The following DERPC variants were observed in gnomAD, a reference collection of about 807,000 sequenced individuals.
DERPC encodes decreased expression in renal and prostate cancer protein.
In DERPC, 1 loss-of-function variant was observed where a neutral mutation model predicts 7.2. That is an observed-to-expected ratio of 0.14 (90% confidence interval 0.05 to 0.66). The LOEUF is 0.66. Ranked by LOEUF, DERPC falls within the 30% of genes least tolerant of loss-of-function variation. The pLI, the probability that DERPC is intolerant of heterozygous loss-of-function variation, is 0.84. For synonymous variants in DERPC, 185 were observed against 117.6 expected (o/e 1.57, Z -3.71); for missense variants, 502 against 299.4 (o/e 1.68, Z -4.99).
intron 1 of DERPC, among the ~76,000 whole-genome samples, chr16:69,126,780 T>TG (rs1962089157): frequency 6.6e-6 from 1 of 152,334 alleles, no homozygotes; most frequent in Admixed American, 6.5e-5. Flanking sequence ...CTTTAGCACC[T>TG]TAAAATATCC....
chr16:69,123,636 A>G (rs1253666068), intron 1 of DERPC, among the ~76,000 whole-genome samples: 1 of 152,124 alleles, frequency 6.6e-6, no homozygotes, highest in East Asian at 1.9e-4. Context: ...CGACAGAGTG[A>G]GACTGTCTCA....
chr16:69,126,289 G>A (rs949394305), intron 1 of DERPC, among the ~76,000 whole-genome samples: 3 of 152,144 alleles, frequency 2.0e-5, no homozygotes, highest in Non-Finnish European at 2.9e-5. Context: ...GAAAAATGCC[G>A]AAATATTTTC....
chr16:69,125,686 A>G (rs1001282816), intron 1 of DERPC, among the ~76,000 whole-genome samples: 1 of 152,214 alleles, frequency 6.6e-6, no homozygotes, highest in Non-Finnish European at 1.5e-5. Flanking sequence ...AACATTTCCA[A>G]AAGAGGCCCC....
At chr16:69,126,783 A>G (rs566161966) in intron 1 of DERPC, among the ~76,000 whole-genome samples, 1 of 152,276 alleles carries the variant, frequency 6.6e-6, no homozygotes, top group Admixed American at 6.5e-5. Flanking sequence ...TAGCACCTTA[A>G]AATATCCTGT....
At chr16:69,129,118 A>G (rs1357496743) in intron 1 of DERPC, among the ~76,000 whole-genome samples, 1 of 151,220 alleles carries the variant, frequency 6.6e-6, no homozygotes, top group East Asian at 2.0e-4. Context: ...TCAAAGCACC[A>G]CCATGATTTC....
intron 1 of DERPC, among the ~76,000 whole-genome samples, chr16:69,126,002 T>C (rs1396340984): frequency 6.6e-6 from 1 of 152,166 alleles, no homozygotes; most frequent in Non-Finnish European, 1.5e-5. Context: ...ACCCATAATT[T>C]TGACAATTTA....
At chr16:69,128,101 G>A (rs1375637467) in intron 1 of DERPC, among the ~76,000 whole-genome samples, 1 of 151,786 alleles carries the variant, frequency 6.6e-6, no homozygotes, top group South Asian at 2.1e-4. Context: ...TTTTAGTAGA[G>A]ATGGGGTTTC....
chr16:69,123,474 C>T (rs149952648), intron 1 of DERPC, among the ~76,000 whole-genome samples: 4,767 of 151,738 alleles, frequency 0.031, 106 homozygotes, highest in Non-Finnish European at 0.042. Flanking sequence ...CTGGCCAACA[C>T]GGTGAAACCC....
chr16:69,126,562 G>A lies in DERPC; in HGVS notation c.-279-5069C>T, dbSNP rs574094729. Among the ~76,000 whole-genome samples, 4 of 152,304 alleles carry A rather than the reference G, an allele frequency of 2.6e-5. No homozygotes were observed. In the South Asian group the frequency reaches 8.3e-4, roughly 32 times the overall value. ...AGCATCTTACCACCATGCTCAGTCA[G>A]GCTGGTAAAAACTTGTCTTATCCTA... On this transcript the variant is annotated intron_variant, in intron 1 of 2. Coordinates refer to ENST00000519520, the MANE Select transcript of DERPC (RefSeq NM_001002847.4).
At position 69,118,371 on chromosome 16, in the gene DERPC, T is replaced by C. The variant is rs1350441169; in HGVS notation, c.*483A>G. On this transcript the variant is annotated 3_prime_UTR_variant, in exon 3 of 3. Coordinates refer to ENST00000519520, the MANE Select transcript of DERPC (RefSeq NM_001002847.4). ...GTGTTCAAGCCCCCAGGGAAAGGTA[T>C]GGCAGTAGAGGATGACCAGGTCCAA... is the stretch of plus-strand genomic sequence containing the variant. 1.9e-6 allele frequency: 3 copies of C among 1,609,046 alleles called. No homozygotes were observed. In the African/African-American group the frequency reaches 4.0e-5, roughly 21 times the overall value.
At chr16:69,123,944 A>C (rs1453519878) in intron 1 of DERPC, among the ~76,000 whole-genome samples, 7 of 150,822 alleles carry the variant, frequency 4.6e-5, no homozygotes, top group South Asian at 2.1e-4. Flanking sequence ...AAAAAAAAAA[A>C]AAACAAAAAA....
rs559100185 is a variant in DERPC, at chr16:69,128,804, G to A, written c.-280+3680C>T. The stretch of plus-strand genomic sequence containing the variant: ...AAACCCGCCAGGCACGGTGGCTCAC[G>A]TCTATAATCCCAGCACTTTGGGAGC... On this transcript the variant is annotated intron_variant, in intron 1 of 2. Transcript: ENST00000519520. Among the ~76,000 whole-genome samples the A allele has an allele frequency of 1.6e-4, 24 of 152,154 alleles. 1 individual carries two copies. The Middle Eastern group carries it at 0.01, about 65-fold the overall frequency.
At chr16:69,122,701 C>T (rs1961769209) in intron 1 of DERPC, among the ~76,000 whole-genome samples, 2 of 152,108 alleles carry the variant, frequency 1.3e-5, no homozygotes, top group African/African-American at 4.8e-5. Flanking sequence ...ACCACCATGC[C>T]TGGCTAATTT....
intron 2 of DERPC, 28 bp downstream of exon 2, chr16:69,121,408 A>T: frequency 6.3e-7 from 1 of 1,593,872 alleles, no homozygotes; most frequent in South Asian, 1.1e-5. Context: ...ATTTCAAGCC[A>T]AATTTTAAAA....
intron 1 of DERPC, among the ~76,000 whole-genome samples, chr16:69,127,417 CA>C (rs1294748831): frequency 6.6e-6 from 1 of 152,116 alleles, no homozygotes; most frequent in Non-Finnish European, 1.5e-5. Flanking sequence ...TCTAAGTCTT[CA>C]GTCTCAATTC....
In DERPC at chr16:69,118,816, G is replaced by GTC. The variant is rs1961374930; in HGVS notation, c.*37_*38insGA. 3.0e-6 allele frequency: 2 copies of GTC among 677,954 alleles called. No homozygotes were observed. Among genetic ancestry groups the GTC allele is most frequent in the African/African-American group, 3.5e-5 (2 of 56,694 alleles). The allele number at this position is 677,954 out of a possible 1,614,324, so 42.0% of individuals were successfully genotyped here. On this transcript the variant is annotated 3_prime_UTR_variant, in exon 3 of 3. Coordinates refer to ENST00000519520, the MANE Select transcript of DERPC (RefSeq NM_001002847.4). ...GACAGCCCCTGCCAAGAACCACAGT[G>GTC]CCTAGAAACCAAGGTGGTCCTGGAG... is the stretch of plus-strand genomic sequence containing the variant.
chr16:69,120,526 C>T lies in DERPC; in HGVS notation c.-98G>A, dbSNP rs767899950. On this transcript the variant is annotated 5_prime_UTR_variant, in exon 3 of 3. Coordinates refer to ENST00000519520, the MANE Select transcript of DERPC (RefSeq NM_001002847.4). The surrounding 1 kb of genome is among the most constrained non-coding windows in gnomAD (Gnocchi z 4.0). ...GTCACCAGGTACCGGGTGCCAGTCT[C>T]GCGGCCAAGCTCATCACAGTCCTGA... The T allele has an allele frequency of 4.3e-6, 7 of 1,613,988 alleles. No individual in the cohort carries two copies. The highest frequency in any genetic ancestry group is 1.6e-4 in the Middle Eastern group (1 of 6,084).
chr16:69,121,373 A>G (rs377631210), intron 2 of DERPC, 63 bp downstream of exon 2: 2 of 1,436,826 alleles, frequency 1.4e-6, no homozygotes, highest in Non-Finnish European at 1.9e-6. Context: ...TTCCAGACAC[A>G]TGGCACACCT....
At position 69,118,132 on chromosome 16, in the gene DERPC, C is replaced by CCCCCCA; in HGVS notation, c.*721_*722insTGGGGG. On this transcript the variant is annotated 3_prime_UTR_variant, in exon 3 of 3. Transcript: ENST00000519520. ...ATTTCTTCCCTTCATCCCCCACCCC[C>CCCCCCA]ACCCTAATTCCCATATTCCCATCCA... 2 of 354,696 alleles carry CCCCCCA rather than the reference C, an allele frequency of 5.6e-6. No homozygotes were observed. 22.0% of individuals were successfully genotyped at this position (354,696 alleles called of 1,614,324 possible).
Sources: allele counts gnomAD v4.1 joint callset (sites outside exome capture counted in the v4.1 genomes callset), GRCh38; gene constraint gnomAD v4.1.1; non-coding constraint Gnocchi (gnomAD v3.1); transcripts MANE v1.5; gene names NCBI Gene and HGNC (gene_info 2026-07-23, HGNC 2026-07-21).